Variants in GOLIM4 observed in about 807,000 individuals in gnomAD.
The protein encoded by GOLIM4 is 130 kDa golgi-localized phosphoprotein.
A neutral mutation model predicts 107.4 loss-of-function variants in GOLIM4; 71 were observed. That is an observed-to-expected ratio of 0.66 (90% CI 0.55 to 0.81). The LOEUF is 0.81. GOLIM4 is among the 30% of genes least tolerant of loss of function. The probability of loss-of-function intolerance (pLI) is 0.00; values close to 1 mark genes in which losing one functional copy is unlikely to be tolerated. For synonymous variants in GOLIM4, 327 were observed against 294.8 expected (o/e 1.11, Z -1.12); for missense variants, 830 against 826.1 (o/e 1.00, Z -0.06).
chr3:168,034,227 A>G (rs1040215493), intron 8 of GOLIM4, among the ~76,000 whole-genome samples: 2 of 152,202 alleles, frequency 1.3e-5, no homozygotes, highest in Non-Finnish European at 1.5e-5. Flanking sequence ...TTCTCTAAAG[A>G]GCTCTAAGTA....
chr3:168,037,974 C>T (rs761487207), intron 7 of GOLIM4, among the ~76,000 whole-genome samples: 2 of 152,184 alleles, frequency 1.3e-5, no homozygotes, highest in Non-Finnish European at 2.9e-5. Context: ...GTGTGTGGGG[C>T]GCAGCAGGTG....
intron 14 of GOLIM4, among the ~76,000 whole-genome samples, chr3:168,022,217 A>T (rs975396943): frequency 4.3e-4 from 65 of 152,106 alleles, no homozygotes; most frequent in Non-Finnish European, 7.6e-4. Context: ...CCCAGGAGGA[A>T]ATGCTGACAG....
rs369300439 is a variant in GOLIM4, at chr3:168,036,963, T to C, written c.716A>G (p.Asp239Gly). 19 of 1,585,798 alleles carry C rather than the reference T, an allele frequency of 1.2e-5. No individual in the cohort carries two copies. Among genetic ancestry groups the C allele is most frequent in the Middle Eastern group, 1.7e-4 (1 of 6,002 alleles). ...TQVAEYKQLKDTLNRIPSLRK... is the reference protein window; with the variant it reads ...TQVAEYKQLKGTLNRIPSLRK... ...AAGGCTTGGAATCCTATTCAGAGTA[T>C]CTTTCAGTTGTTTATATTCTGCAAC... The change falls in exon 8 of 16, where the codon GAT becomes GGT. Residue 239 changes from aspartate (D) to glycine (G), a missense_variant. Physicochemically the swap from Asp to Gly is moderately conservative, Grantham distance 94 (BLOSUM62 -1). Coordinates refer to ENST00000470487, the MANE Select transcript of GOLIM4 (RefSeq NM_014498.5).
chr3:168,040,730 T>C, intron 7 of GOLIM4, 56 bp downstream of exon 7: 1 of 1,115,608 alleles, frequency 9.0e-7, no homozygotes, highest in Admixed American at 1.8e-5. Flanking sequence ...ATAAAGGAAT[T>C]GAGAAATGTT....
chr3:168,075,696 A>T (rs1313970819), intron 1 of GOLIM4, among the ~76,000 whole-genome samples: 1 of 152,186 alleles, frequency 6.6e-6, no homozygotes, highest in Non-Finnish European at 1.5e-5. Context: ...ATGTCAAAAC[A>T]CACCTGCTTT....
intron 1 of GOLIM4, among the ~76,000 whole-genome samples, chr3:168,050,126 T>TC (rs1394310989): frequency 1.3e-5 from 2 of 152,046 alleles, no homozygotes. Context: ...GATGATCCTT[T>TC]CCCCCTGCAT....
Position 168,093,774 on chromosome 3 carries a change from A to G in GOLIM4, c.187+1325T>C, listed in dbSNP as rs1239510113. On this transcript the variant is annotated intron_variant, in intron 1 of 15. Transcript: ENST00000470487. Reference sequence around the variant, plus strand: ...CCATATATTTTCATTGCCTGTGGCTATGCAGCGTCAGTAAGCTAAAAATAC... The same window carrying G: ...CCATATATTTTCATTGCCTGTGGCTGTGCAGCGTCAGTAAGCTAAAAATAC... Among the ~76,000 whole-genome samples, 4 of 152,234 alleles carry G rather than the reference A, an allele frequency of 2.6e-5. No individual in the cohort carries two copies. The East Asian group carries it at 7.7e-4, about 29-fold the overall frequency.
chr3:168,058,604 G>A (rs561965008), intron 1 of GOLIM4, among the ~76,000 whole-genome samples: 2 of 152,300 alleles, frequency 1.3e-5, no homozygotes, highest in South Asian at 4.1e-4. Flanking sequence ...GTTGTGAGAA[G>A]AGGCTAAGAC....
intron 1 of GOLIM4, among the ~76,000 whole-genome samples, chr3:168,077,074 T>C (rs577623756): frequency 6.6e-6 from 1 of 152,354 alleles, no homozygotes; most frequent in South Asian, 2.1e-4. Context: ...ATGTTGATGT[T>C]AATATTTTAA....
rs1719429372 is a variant in GOLIM4, at chr3:168,048,359, T to C, written c.194A>G (p.Tyr65Cys). 2 of 1,486,818 alleles carry C rather than the reference T, an allele frequency of 1.3e-6. No individual in the cohort carries two copies. The highest frequency in any genetic ancestry group is 4.5e-5 in the East Asian group (2 of 44,008). The allele number at this position is 1,486,818 out of a possible 1,614,324, so 92.1% of individuals were successfully genotyped here. ...ESLSAQLQVV[Y>C]EHRSRLEKSL... ...TTTCTCTAATCTTGATCTGTGTTCA[T>C]ATACAACTGGAAAAAAAGTTAACAT... Residue 65 changes from tyrosine (Y) to cysteine (C), a missense_variant, in exon 2 of 16, where the codon TAT (tyrosine) becomes TGT (cysteine). Tyr to Cys is a radical substitution (Grantham distance 194). Transcript: ENST00000470487.
At chr3:168,067,660 T>C (rs1237615615) in intron 1 of GOLIM4, among the ~76,000 whole-genome samples, 6 of 152,144 alleles carry the variant, frequency 3.9e-5, no homozygotes, top group Non-Finnish European at 8.8e-5. Context: ...ACACTAAATG[T>C]TATAGTAGAG....
At chr3:168,044,371 C>T (rs1017687922) in intron 4 of GOLIM4, among the ~76,000 whole-genome samples, 1 of 152,046 alleles carries the variant, frequency 6.6e-6, no homozygotes, top group African/African-American at 2.4e-5. Flanking sequence ...TACTCAAGGA[C>T]CAAGGAAGCA....
At chr3:168,027,393 T>C (rs935466662) in intron 12 of GOLIM4, among the ~76,000 whole-genome samples, 2 of 152,112 alleles carry the variant, frequency 1.3e-5, no homozygotes, top group Admixed American at 1.3e-4. Flanking sequence ...CTTTTATTCC[T>C]CCTAGCTTTC....
rs143677788 is a variant in GOLIM4 at position 168,079,357 on chromosome 3, A to G, written c.187+15742T>C. ...TTGTTTGATTTTATTTACACAAAGT[A>G]CAAAAACAGGTGAAACTAAACCATG... On this transcript the variant is annotated intron_variant, in intron 1 of 15. Coordinates refer to ENST00000470487, the MANE Select transcript of GOLIM4 (RefSeq NM_014498.5). Among the ~76,000 whole-genome samples, 194 of 152,328 alleles carry G rather than the reference A, an allele frequency of 1.3e-3. No individual in the cohort carries two copies. In the East Asian group the frequency reaches 0.013, roughly 10 times the overall value.
At chr3:168,060,640 G>T (rs1720213839) in intron 1 of GOLIM4, among the ~76,000 whole-genome samples, 1 of 152,180 alleles carries the variant, frequency 6.6e-6, no homozygotes, top group South Asian at 2.1e-4. Flanking sequence ...TGGGAACAAT[G>T]AAACAAAATC....
intron 7 of GOLIM4, among the ~76,000 whole-genome samples, chr3:168,040,305 T>C (rs1718909180): frequency 6.6e-6 from 1 of 152,224 alleles, no homozygotes; most frequent in African/African-American, 2.4e-5. Flanking sequence ...CTCTGTTGAC[T>C]CTTCTACTTT....
rs567114257 is a variant in GOLIM4, at chr3:168,023,652, C to T, written c.1860+874G>A. Among the ~76,000 whole-genome samples the T allele has an allele frequency of 7.2e-5, 11 of 152,292 alleles. No individual in the cohort carries two copies. In the East Asian group the frequency reaches 1.9e-3, roughly 27 times the overall value. ...GATAAAACCACACATTTGCAAGACACCTGGCTGAGAAGCAGCTCTGAACCA... is the reference window on the plus strand; with the variant it reads ...GATAAAACCACACATTTGCAAGACATCTGGCTGAGAAGCAGCTCTGAACCA... On this transcript the variant is annotated intron_variant, in intron 14 of 15. Coordinates refer to ENST00000470487, the MANE Select transcript of GOLIM4 (RefSeq NM_014498.5).
chr3:168,054,505 C>T (rs934028816), intron 1 of GOLIM4, among the ~76,000 whole-genome samples: 11 of 152,174 alleles, frequency 7.2e-5, no homozygotes, highest in Non-Finnish European at 1.3e-4. Context: ...CCCAGAACAT[C>T]CTGTCTAAAA....
rs1718961586 is a variant in GOLIM4 at position 168,040,935 on chromosome 3, C to T, written c.601-66G>A. On this transcript the variant is annotated intron_variant, in intron 6 of 15. Transcript: ENST00000470487. ...TACGACAAATTCTTCTTTGGCTGAT[C>T]GTGATATGGCTACCCAAATGTTACT... is the stretch of plus-strand genomic sequence containing the variant. The T allele has an allele frequency of 8.2e-6, 8 of 974,178 alleles. No individual in the cohort carries two copies. The South Asian group carries it at 9.3e-5, about 11-fold the overall frequency. The allele number at this position is 974,178 out of a possible 1,614,324, so 60.3% of individuals were successfully genotyped here.
Sources: allele counts gnomAD v4.1 joint callset (sites outside exome capture counted in the v4.1 genomes callset), GRCh38; gene constraint gnomAD v4.1.1; transcripts MANE v1.5; gene names NCBI Gene and HGNC (gene_info 2026-07-23, HGNC 2026-07-21).